The following BMP6 variants were observed in gnomAD, a reference collection of about 807,000 sequenced individuals.
BMP6 encodes bone morphogenetic protein 6.
In BMP6, 17 loss-of-function variants were observed where a neutral mutation model predicts 54.1. The ratio of observed to expected loss-of-function variants is 0.31; its 90% confidence interval spans 0.22 to 0.47. BMP6 has a LOEUF of 0.47. Ranked by LOEUF, BMP6 falls within the 20% of genes least tolerant of loss-of-function variation. The pLI, the probability that BMP6 is intolerant of heterozygous loss-of-function variation, is 1.00. For synonymous variants in BMP6, 328 were observed against 291.2 expected, an observed-to-expected ratio of 1.13 and a Z score of -1.28; for missense variants, 720 against 690.4, an observed-to-expected ratio of 1.04 and a Z score of -0.48.
chr6:7,768,902 T>C (rs1055532170), intron 1 of BMP6, among the ~76,000 whole-genome samples: 4 of 152,202 alleles, frequency 2.6e-5, no homozygotes, highest in Non-Finnish European at 5.9e-5. Flanking sequence ...TGTGTCCTTT[T>C]CTACCACTTT....
At position 7,732,958 on chromosome 6, in the gene BMP6, G is replaced by A. The variant is rs970685018; in HGVS notation, c.664+5339G>A. On this transcript the variant is annotated intron_variant, in intron 1 of 6. Coordinates refer to ENST00000283147, the MANE Select transcript of BMP6 (RefSeq NM_001718.6). ...GTCACCCAGGCTGGAGTGCAGTGGC[G>A]AGATCTCGGCTCACTGCAACCTCTC... 1.2e-4 allele frequency among the ~76,000 whole-genome samples: 18 copies of A among 151,276 alleles called. 1 individual carries two copies. Among genetic ancestry groups the A allele is most frequent in the Admixed American group, 1.1e-3 (16 of 15,228 alleles).
At chr6:7,844,257 C>T (rs1424092712) in intron 1 of BMP6, among the ~76,000 whole-genome samples, 2 of 152,152 alleles carry the variant, frequency 1.3e-5, no homozygotes, top group East Asian at 1.9e-4. Flanking sequence ...CATTTATGCA[C>T]ATACCACGTT....
intron 1 of BMP6, among the ~76,000 whole-genome samples, chr6:7,757,487 T>G (rs1170423765): frequency 1.3e-5 from 2 of 152,186 alleles, no homozygotes; most frequent in Non-Finnish European, 2.9e-5. Context: ...TCAGATTGGA[T>G]TAAGGGCCCA....
At chr6:7,777,681 T>TA (rs71542882) in intron 1 of BMP6, among the ~76,000 whole-genome samples, 54,460 of 142,002 alleles carry the variant, frequency 0.38, 10,505 homozygotes, top group African/African-American at 0.52. Flanking sequence ...GCATCACTAA[T>TA]AAAAAAAAAA....
intron 1 of BMP6, among the ~76,000 whole-genome samples, chr6:7,822,736 T>C (rs1027029477): frequency 7.2e-5 from 11 of 152,182 alleles, no homozygotes; most frequent in Non-Finnish European, 1.3e-4. Flanking sequence ...GGGAAAATGA[T>C]ACAAGTGACC....
At chr6:7,741,711 G>A (rs1396287975) in intron 1 of BMP6, among the ~76,000 whole-genome samples, 1 of 152,224 alleles carries the variant, frequency 6.6e-6, no homozygotes. Context: ...GGGCTTACAG[G>A]CATGAGCCAC....
At chr6:7,772,440 G>C (rs766452420) in intron 1 of BMP6, among the ~76,000 whole-genome samples, 4 of 152,126 alleles carry the variant, frequency 2.6e-5, no homozygotes, top group Non-Finnish European at 5.9e-5. Context: ...GACTGAGGGG[G>C]ACCAGACCAC....
At chr6:7,803,378 C>T (rs1201354325) in intron 1 of BMP6, among the ~76,000 whole-genome samples, 1 of 152,168 alleles carries the variant, frequency 6.6e-6, no homozygotes, top group African/African-American at 2.4e-5. Flanking sequence ...TCATCCTAGA[C>T]ACCACTACCA....
At position 7,741,214 on chromosome 6, in the gene BMP6, CT is replaced by C. The variant is rs199561978; in HGVS notation, c.664+13598del. On this transcript the variant is annotated intron_variant, in intron 1 of 6. Transcript: ENST00000283147. ...ATTTGCTTACCCATGTGCCATGGCT[CT>C]TTAGAAGAACATTTGGGGCCAAATG... is the stretch of plus-strand genomic sequence containing the variant. Among the ~76,000 whole-genome samples the C allele has an allele frequency of 2.0e-3, 311 of 152,322 alleles. 5 individuals carry two copies. In the East Asian group the frequency reaches 0.022, roughly 11 times the overall value.
Position 7,726,492 on chromosome 6 carries a change from C to G in BMP6, c.-464C>G, listed in dbSNP as rs1022956670. ...GGAGGGGCGTGCGCCACGGTGATGCCGGGCATCTCCCGCAGCTCGTGAGCG... is the reference window on the plus strand; with the variant it reads ...GGAGGGGCGTGCGCCACGGTGATGCGGGGCATCTCCCGCAGCTCGTGAGCG... On this transcript the variant is annotated 5_prime_UTR_variant, in exon 1 of 7. Transcript: ENST00000283147. Among the ~76,000 whole-genome samples, 1 of 152,194 alleles carries G rather than the reference C, an allele frequency of 6.6e-6. No individual in the cohort carries two copies. Among genetic ancestry groups the G allele is most frequent in the African/African-American group, 2.4e-5 (1 of 41,452 alleles).
chr6:7,868,267 C>T (rs953890030), intron 4 of BMP6, among the ~76,000 whole-genome samples: 1 of 152,198 alleles, frequency 6.6e-6, no homozygotes, highest in Non-Finnish European at 1.5e-5. Context: ...TCAATGTTGA[C>T]CATCCAAATT....
At chr6:7,805,636 T>C (rs895181641) in intron 1 of BMP6, among the ~76,000 whole-genome samples, 3 of 152,212 alleles carry the variant, frequency 2.0e-5, no homozygotes, top group African/African-American at 7.2e-5. Flanking sequence ...CAGAAATGAA[T>C]GTGAATCAAC....
At chr6:7,736,465 G>T (rs1488001582) in intron 1 of BMP6, among the ~76,000 whole-genome samples, 2 of 152,142 alleles carry the variant, frequency 1.3e-5, no homozygotes, top group Non-Finnish European at 2.9e-5. Context: ...ACAAAATATC[G>T]TACTGGCCCT....
At chr6:7,730,098 C>T (rs978379652) in intron 1 of BMP6, among the ~76,000 whole-genome samples, 5 of 152,118 alleles carry the variant, frequency 3.3e-5, no homozygotes, top group Non-Finnish European at 5.9e-5. Context: ...GGGCCTAAGG[C>T]GAATTTGTAA....
At chr6:7,784,722 A>T (rs1290332513) in intron 1 of BMP6, among the ~76,000 whole-genome samples, 1 of 152,188 alleles carries the variant, frequency 6.6e-6, no homozygotes, top group African/African-American at 2.4e-5. Flanking sequence ...TAGTAAGTTG[A>T]TCTTGGACCA....
intron 1 of BMP6, among the ~76,000 whole-genome samples, chr6:7,820,607 A>C (rs1365320549): frequency 3.9e-5 from 6 of 152,140 alleles, no homozygotes. Context: ...GGGGACAGTG[A>C]ACTAGAGCCT....
intron 2 of BMP6, among the ~76,000 whole-genome samples, chr6:7,860,126 C>T (rs923598071): frequency 4.6e-5 from 7 of 152,104 alleles, no homozygotes; most frequent in African/African-American, 1.7e-4. Context: ...AGATCTTGAC[C>T]ACATATGACG....
At chr6:7,862,757 C>G (rs1449742435) in intron 4 of BMP6, among the ~76,000 whole-genome samples, 2 of 152,210 alleles carry the variant, frequency 1.3e-5, no homozygotes, top group Admixed American at 1.3e-4. Flanking sequence ...AAGCATCTTT[C>G]TGTTTGGTTA....
chr6:7,813,542 C>A (rs1467848588), intron 1 of BMP6, among the ~76,000 whole-genome samples: 1 of 139,674 alleles, frequency 7.2e-6, no homozygotes, highest in African/African-American at 2.7e-5. Flanking sequence ...ACTAGGGAGG[C>A]TGAGGTGGGA....
Sources: allele counts gnomAD v4.1 joint callset (sites outside exome capture counted in the v4.1 genomes callset), GRCh38; gene constraint gnomAD v4.1.1; transcripts MANE v1.5; gene names NCBI Gene and HGNC (gene_info 2026-07-23, HGNC 2026-07-21).